The following LRRC8C variants were observed in gnomAD, a reference collection of about 807,000 sequenced individuals.
The protein encoded by LRRC8C is leucine rich repeat containing 8 VRAC subunit C.
Under a neutral mutation model 55.3 loss-of-function variants are expected in LRRC8C, and 20 were observed. The observed-to-expected ratio is 0.36, with a 90% CI of 0.25 to 0.53. The LOEUF is 0.53. Ranked by LOEUF, LRRC8C falls within the 20% of genes least tolerant of loss-of-function variation. The pLI, the probability that LRRC8C is intolerant of heterozygous loss-of-function variation, is 0.92. For missense variants in LRRC8C, 659 were observed against 951.4 expected, an observed-to-expected ratio of 0.69 and a Z score of 4.04; for synonymous variants, 376 against 360.7, an observed-to-expected ratio of 1.04 and a Z score of -0.48.
At chr1:89,709,516 A>G (rs568043017) in intron 2 of LRRC8C, among the ~76,000 whole-genome samples, 21 of 152,282 alleles carry the variant, frequency 1.4e-4, no homozygotes, top group Non-Finnish European at 2.6e-4. Context: ...TACAGTGCAT[A>G]ACCTAAAATC....
rs1658873091 is a variant in LRRC8C at position 89,717,980 on chromosome 1, A to G, written c.*2998A>G. 4 of 152,296 alleles carry G rather than the reference A, an allele frequency of 2.6e-5. No individual in the cohort carries two copies. Among genetic ancestry groups the G allele is most frequent in the Non-Finnish European group, 5.9e-5 (4 of 68,004 alleles). The allele number at this position is 152,296 out of a possible 1,614,324, so 9.4% of individuals were successfully genotyped here. A position where few individuals can be genotyped will look rare whatever the true frequency, so the allele number is the denominator to read the frequency against. ...GTCAGTTTTAATTGTTAAGTACAGA[A>G]CAAACAATTGTTTGGTGATGGCCTG... On this transcript the variant is annotated 3_prime_UTR_variant, in exon 3 of 3. Coordinates refer to ENST00000370454, the MANE Select transcript of LRRC8C (RefSeq NM_032270.5).
intron 1 of LRRC8C, among the ~76,000 whole-genome samples, chr1:89,652,101 T>C (rs1008067840): frequency 1.3e-5 from 2 of 152,168 alleles, no homozygotes; most frequent in African/African-American, 4.8e-5. Flanking sequence ...TGGGGTGCAG[T>C]AAAAGAAAAG....
At chr1:89,704,244 C>T (rs1054549830) in intron 2 of LRRC8C, among the ~76,000 whole-genome samples, 10 of 152,116 alleles carry the variant, frequency 6.6e-5, no homozygotes, top group Admixed American at 2.0e-4. Flanking sequence ...GTTCTATGTC[C>T]TCATCTCTCT....
In LRRC8C at chr1:89,712,770, C is replaced by G; in HGVS notation, c.200C>G (p.Ser67Cys). The G allele has an allele frequency of 1.9e-6, 3 of 1,614,160 alleles. No individual in the cohort carries two copies. The highest frequency in any genetic ancestry group is 1.6e-4 in the Middle Eastern group (1 of 6,062). ...KRVQPAQNHS[S>C]LSNVSQAVAS... ...GTGCAGCCTGCTCAGAACCACTCTT[C>G]CCTTTCGAATGTCTCTCAAGCAGTT... is the stretch of plus-strand genomic sequence containing the variant. The change falls in exon 3 of 3, where the codon TCC (serine) becomes TGC (cysteine). Residue 67 changes from serine (S) to cysteine (C), a missense_variant. Physicochemically the swap from Ser to Cys is moderately radical, Grantham distance 112. Transcript: ENST00000370454.
the LRRC8C span, chr1:89,626,878 A>G: frequency 6.6e-6 from 1 of 151,384 alleles, no homozygotes; most frequent in South Asian, 2.1e-4. Context: ...TAGCGTTGGT[A>G]ATTAAGTCAG....
chr1:89,664,683 T>G (rs1267703209), intron 1 of LRRC8C, among the ~76,000 whole-genome samples: 1 of 152,194 alleles, frequency 6.6e-6, no homozygotes, highest in Non-Finnish European at 1.5e-5. Flanking sequence ...GTGAAGAAAG[T>G]CAATGGTAGC....
chr1:89,686,499 A>G lies in LRRC8C; in HGVS notation c.26A>G (p.Gln9Arg). 1 of 1,614,214 alleles carries G rather than the reference A, an allele frequency of 6.2e-7. No individual in the cohort carries two copies. Among genetic ancestry groups the G allele is most frequent in the South Asian group, 1.1e-5 (1 of 91,084 alleles). The change falls in exon 2 of 3, where the codon CAG (glutamine) becomes CGG (arginine). Residue 9 changes from glutamine to arginine, a missense_variant. Physicochemically the swap from Gln to Arg is conservative, Grantham distance 43. Around this residue, in one of 5 missense-constraint regions of LRRC8C, gnomAD observed 16 missense variants for 16.6 expected, o/e 0.96. Coordinates refer to ENST00000370454, the MANE Select transcript of LRRC8C (RefSeq NM_032270.5). MIPVTEFR[Q>R]FSEQQPAFRV... is the part of the protein sequence containing the mutation. ...ATGATTCCCGTGACAGAATTCCGGCAGTTCTCTGAGCAGCAGCCTGCCTTC... is the reference window on the plus strand; with the variant it reads ...ATGATTCCCGTGACAGAATTCCGGCGGTTCTCTGAGCAGCAGCCTGCCTTC...
intron 2 of LRRC8C, among the ~76,000 whole-genome samples, chr1:89,709,194 G>GT (rs1357174086): frequency 2.0e-5 from 3 of 152,212 alleles, no homozygotes; most frequent in Non-Finnish European, 4.4e-5. Context: ...TGAGAAGAAT[G>GT]TGGGGAGTGG....
At chr1:89,657,119 A>G (rs1656966607) in intron 1 of LRRC8C, among the ~76,000 whole-genome samples, 1 of 152,144 alleles carries the variant, frequency 6.6e-6, no homozygotes, top group Admixed American at 6.5e-5. Flanking sequence ...TATTTTTTAG[A>G]TTAATGTGAC....
Position 89,650,897 on chromosome 1 carries a change from C to T in LRRC8C, c.-5+17575C>T, listed in dbSNP as rs572620431. Among the ~76,000 whole-genome samples, 5 of 152,312 alleles carry T rather than the reference C, an allele frequency of 3.3e-5. No individual in the cohort carries two copies. In the South Asian group the frequency reaches 1.0e-3, roughly 32 times the overall value. ...GTTCAACCACTTCTTAGAGCTCAAA[C>T]AGCTCTCCAAGCTCTCAACTTAGAT... On this transcript the variant is annotated intron_variant, in intron 1 of 2. Transcript: ENST00000370454.
rs780885370 is a variant in LRRC8C, at chr1:89,714,378, G to A, written c.1808G>A (p.Arg603His). The change falls in exon 3 of 3, where the codon CGT (arginine) becomes CAT (histidine). Residue 603 changes from arginine (R) to histidine (H), a missense_variant. This residue lies in a region of LRRC8C where 344 missense variants were observed against 464.6 expected (regional missense o/e 0.74). Coordinates refer to ENST00000370454, the MANE Select transcript of LRRC8C (RefSeq NM_032270.5). The surrounding 1 kb of genome is among the most constrained non-coding windows in gnomAD (Gnocchi z 4.6). ...GAGCTGGTCCACTGTGACCTGGAGC[G>A]TATTCCTCATGCTGTGTTCAGCCTA... is the stretch of plus-strand genomic sequence containing the variant. ...ELELVHCDLE[R>H]IPHAVFSLLS... 1.5e-5 allele frequency: 25 copies of A among 1,613,980 alleles called. No individual in the cohort carries two copies. The highest frequency in any genetic ancestry group is 1.1e-4 in the East Asian group (5 of 44,892).
the LRRC8C span, among the ~76,000 whole-genome samples, chr1:89,617,597 T>G: frequency 6.6e-6 from 1 of 152,234 alleles, no homozygotes; most frequent in Non-Finnish European, 1.5e-5. Context: ...TATTTAATAC[T>G]GTCTGTGTTC....
chr1:89,708,499 A>G (rs1423954081), intron 2 of LRRC8C: 1 of 151,536 alleles, frequency 6.6e-6, no homozygotes, highest in East Asian at 1.9e-4. Flanking sequence ...GATAGGACAG[A>G]TAAAACAAAA....
At chr1:89,693,727 G>C (rs1438888283) in intron 2 of LRRC8C, among the ~76,000 whole-genome samples, 4 of 138,144 alleles carry the variant, frequency 2.9e-5, no homozygotes, top group African/African-American at 1.1e-4. Context: ...GCGCGGTCTC[G>C]GCTCACTGCA....
intron 1 of LRRC8C, among the ~76,000 whole-genome samples, chr1:89,658,138 C>CAG (rs1657003006): frequency 6.6e-6 from 1 of 152,140 alleles, no homozygotes; most frequent in African/African-American, 2.4e-5. Context: ...TTTGGCCACA[C>CAG]TACTGTTTGG....
At chr1:89,680,049 T>C (rs1657654248) in intron 1 of LRRC8C, among the ~76,000 whole-genome samples, 1 of 151,904 alleles carries the variant, frequency 6.6e-6, no homozygotes, top group Non-Finnish European at 1.5e-5. Flanking sequence ...AAATAAACTC[T>C]ATGTTTGTAC....
intron 2 of LRRC8C, among the ~76,000 whole-genome samples, 194 bp downstream of exon 2, chr1:89,686,805 T>C (rs867811899): frequency 1.3e-5 from 2 of 152,234 alleles, no homozygotes; most frequent in Middle Eastern, 3.2e-3. Flanking sequence ...AATATGGTAC[T>C]TGAAAGATTT....
intron 1 of LRRC8C, among the ~76,000 whole-genome samples, chr1:89,679,626 A>G (rs559895873): frequency 6.6e-6 from 1 of 152,208 alleles, no homozygotes; most frequent in Non-Finnish European, 1.5e-5. Flanking sequence ...TGAGCAATAC[A>G]CATGGGTTTC....
At chr1:89,694,924 C>CTTT (rs113354519) in intron 2 of LRRC8C, among the ~76,000 whole-genome samples, 1 of 128,288 alleles carries the variant, frequency 7.8e-6, no homozygotes, top group Non-Finnish European at 1.7e-5. Flanking sequence ...AGTATAAAGA[C>CTTT]TTTTTTTTTT....
Sources: gnomAD v4.1 joint callset for allele counts (sites outside exome capture counted in the v4.1 genomes callset) on GRCh38, gnomAD v4.1.1 for gene constraint, gnomAD v4.1.1 regional missense constraint, Gnocchi (gnomAD v3.1) non-coding constraint, MANE v1.5 for transcripts, NCBI Gene and HGNC (gene_info 2026-07-23, HGNC 2026-07-21) for gene names.